NAV2: variants seen among roughly 807,000 people sequenced by gnomAD.
NAV2 encodes the protein neuron navigator 2.
In NAV2, 54 loss-of-function variants were observed where a neutral mutation model predicts 223.2. That is an observed-to-expected ratio of 0.24 (90% confidence interval 0.19 to 0.30). The LOEUF (loss-of-function observed/expected upper bound fraction) is 0.30, where lower values mean the gene tolerates loss of function less well. Ranked by LOEUF, NAV2 falls within the 10% of genes least tolerant of loss-of-function variation. NAV2 has a pLI of 1.00. For missense variants in NAV2, 2,806 were observed against 3,147.5 expected (o/e 0.89, Z 2.60); for synonymous variants, 1,279 against 1,239.3 (o/e 1.03, Z -0.67).
At chr11:19,687,362 G>T (rs1452241583) in intron 1 of NAV2, among the ~76,000 whole-genome samples, 1 of 152,162 alleles carries the variant, frequency 6.6e-6, no homozygotes, top group Non-Finnish European at 1.5e-5. Context: ...CTGGTTCTGT[G>T]CTTGTTTTTA....
intron 1 of NAV2, among the ~76,000 whole-genome samples, chr11:19,732,268 A>AG (rs1212115057): frequency 2.0e-5 from 3 of 151,808 alleles, no homozygotes; most frequent in Non-Finnish European, 2.9e-5. Context: ...CAAGAAAAAA[A>AG]AAAAAAGAGT....
intron 1 of NAV2, among the ~76,000 whole-genome samples, chr11:19,592,872 A>T (rs915621598): frequency 6.6e-5 from 10 of 152,218 alleles, no homozygotes; most frequent in African/African-American, 2.4e-4. Context: ...ATAGATTTGC[A>T]GGAAGTTGCA....
intron 10 of NAV2, among the ~76,000 whole-genome samples, chr11:19,963,776 G>A (rs1255733117): frequency 5.9e-5 from 9 of 152,164 alleles, no homozygotes; most frequent in Non-Finnish European, 1.3e-4. Flanking sequence ...AAAGTGAATG[G>A]GGGCAAAACT....
chr11:20,086,177 G>A (rs2060433468), intron 26 of NAV2, among the ~76,000 whole-genome samples: 1 of 152,170 alleles, frequency 6.6e-6, no homozygotes, highest in Non-Finnish European at 1.5e-5. Flanking sequence ...GGGTGGGTGT[G>A]GTGGAGTTTG....
intron 1 of NAV2, among the ~76,000 whole-genome samples, chr11:19,745,759 G>T (rs1049413520): frequency 3.9e-5 from 6 of 152,106 alleles, no homozygotes; most frequent in African/African-American, 1.4e-4. Flanking sequence ...TCACAATCGG[G>T]TTCACGCTCC....
At chr11:19,666,738 G>A (rs909364918) in intron 1 of NAV2, among the ~76,000 whole-genome samples, 4 of 151,744 alleles carry the variant, frequency 2.6e-5, no homozygotes, top group South Asian at 2.1e-4. Flanking sequence ...TGCTCATTCC[G>A]CCCCTTTACC....
chr11:19,373,601 CTG>C (rs1848543417), intron 1 of NAV2, among the ~76,000 whole-genome samples: 1 of 152,210 alleles, frequency 6.6e-6, no homozygotes, highest in Non-Finnish European at 1.5e-5. Flanking sequence ...ATCTTCCACT[CTG>C]TAGCCTCTTA....
chr11:20,023,512 G>A (rs1056644768), intron 11 of NAV2, among the ~76,000 whole-genome samples: 20 of 152,210 alleles, frequency 1.3e-4, no homozygotes, highest in East Asian at 3.9e-4. Flanking sequence ...GTCTTAAGTC[G>A]TTATTCCGGA....
At chr11:20,107,258 T>G (rs915062984) in intron 35 of NAV2, 2 of 151,282 alleles carry the variant, frequency 1.3e-5, no homozygotes, top group Non-Finnish European at 1.5e-5. Flanking sequence ...TTTTTTTTTT[T>G]TGTATTTTTA....
At position 20,055,975 on chromosome 11, in the gene NAV2, G is replaced by A. The variant is rs759714103; in HGVS notation, c.4831+18G>A. On this transcript the variant is annotated intron_variant, in intron 19 of 37. Coordinates refer to ENST00000349880, the MANE Select transcript of NAV2 (RefSeq NM_145117.5). ...TGAAGAAGGTAAGGAAGGAAAGGAA[G>A]AAGGTAAGGAAGGAAACTTCCATCT... is the stretch of plus-strand genomic sequence containing the variant. 1.2e-6 allele frequency: 2 copies of A among 1,603,630 alleles called. No individual in the cohort carries two copies. Among genetic ancestry groups the A allele is most frequent in the Non-Finnish European group, 8.5e-7 (1 of 1,176,738 alleles).
At chr11:20,111,527 A>G (rs2062637181) in intron 36 of NAV2, among the ~76,000 whole-genome samples, 1 of 152,226 alleles carries the variant, frequency 6.6e-6, no homozygotes, top group South Asian at 2.1e-4. Flanking sequence ...TGATGTTAAC[A>G]TGTACCTAAT....
Position 19,884,285 on chromosome 11 carries a change from A to C in NAV2, c.770+4158A>C, listed in dbSNP as rs371904236. On this transcript the variant is annotated intron_variant, in intron 5 of 37. Coordinates refer to ENST00000349880, the MANE Select transcript of NAV2 (RefSeq NM_145117.5). ...CAGCTCTTCCACTTTTTTCTTTCCT[A>C]TCATGCAGTGCATCATCCAAGGACT... 3 of 1,610,226 alleles carry C rather than the reference A, an allele frequency of 1.9e-6. No individual in the cohort carries two copies. The African/African-American group carries it at 4.0e-5, about 22-fold the overall frequency.
At chr11:20,031,072 G>T (rs1301151010) in intron 11 of NAV2, among the ~76,000 whole-genome samples, 1 of 152,134 alleles carries the variant, frequency 6.6e-6, no homozygotes, top group African/African-American at 2.4e-5. Context: ...CCATCATATG[G>T]TTTTTCTCCG....
intron 1 of NAV2, among the ~76,000 whole-genome samples, chr11:19,554,427 C>A (rs1169312978): frequency 6.6e-6 from 1 of 152,162 alleles, no homozygotes; most frequent in African/African-American, 2.4e-5. Flanking sequence ...CTGGGGGAGA[C>A]ACCAGGCTCC....
At chr11:19,573,239 C>T (rs927096634) in intron 1 of NAV2, among the ~76,000 whole-genome samples, 1 of 152,030 alleles carries the variant, frequency 6.6e-6, no homozygotes, top group African/African-American at 2.4e-5. Context: ...TCCCTGGGCA[C>T]CCTGTTCAGA....
chr11:19,414,356 A>ACATAATG (rs1296672589), intron 1 of NAV2, among the ~76,000 whole-genome samples: 2 of 152,254 alleles, frequency 1.3e-5, no homozygotes, highest in African/African-American at 4.8e-5. Context: ...GAAGGGCATT[A>ACATAATG]CATAATGGTA....
intron 8 of NAV2, among the ~76,000 whole-genome samples, chr11:19,943,380 A>G (rs2046567567): frequency 6.6e-6 from 1 of 152,180 alleles, no homozygotes; most frequent in Non-Finnish European, 1.5e-5. Flanking sequence ...AGGGAAATGC[A>G]AGTTTGACCA....
intron 1 of NAV2, among the ~76,000 whole-genome samples, chr11:19,582,503 A>T (rs2045752868): frequency 6.6e-6 from 1 of 152,188 alleles, no homozygotes. Context: ...TTTTAGGCCT[A>T]ACATTTAAGT....
At chr11:19,655,367 T>C (rs570762550) in intron 1 of NAV2, among the ~76,000 whole-genome samples, 1 of 152,286 alleles carries the variant, frequency 6.6e-6, no homozygotes, top group South Asian at 2.1e-4. Context: ...AGAAATACCA[T>C]TTGACCCAGC....
Sources: gnomAD v4.1 joint callset for allele counts (sites outside exome capture counted in the v4.1 genomes callset) on GRCh38, gnomAD v4.1.1 for gene constraint, MANE v1.5 for transcripts, NCBI Gene and HGNC (gene_info 2026-07-23, HGNC 2026-07-21) for gene names.